The following FSTL4 variants were observed in gnomAD, a reference collection of about 807,000 sequenced individuals.
FSTL4 encodes follistatin like 4.
FSTL4 carries 28 observed loss-of-function variants against 78.2 expected under a neutral mutation model. The observed-to-expected ratio is 0.36, with a 90% CI of 0.27 to 0.49. The LOEUF (loss-of-function observed/expected upper bound fraction) is 0.49, where lower values mean the gene tolerates loss of function less well. Ranked by LOEUF, FSTL4 falls within the 20% of genes least tolerant of loss-of-function variation. The pLI is 0.98. For missense variants in FSTL4, 922 were observed against 1,084.9 expected (o/e 0.85, Z 2.11); for synonymous variants, 422 against 440.5 (o/e 0.96, Z 0.53).
chr5:133,714,312 C>T, the FSTL4 span, among the ~76,000 whole-genome samples: 3 of 152,190 alleles, frequency 2.0e-5, no homozygotes, highest in Non-Finnish European at 4.4e-5. Flanking sequence ...CCTGGGCTCC[C>T]TTTAATCTTC....
intron 3 of FSTL4, among the ~76,000 whole-genome samples, chr5:133,501,077 T>C (rs180930092): frequency 6.6e-6 from 1 of 151,954 alleles, no homozygotes; most frequent in Non-Finnish European, 1.5e-5. Context: ...TCACTCATGG[T>C]GGGAAATGTG....
chr5:133,562,556 T>C (rs1487946887), intron 3 of FSTL4, among the ~76,000 whole-genome samples: 1 of 152,194 alleles, frequency 6.6e-6, no homozygotes, highest in Non-Finnish European at 1.5e-5. Flanking sequence ...ACCCCCTTTT[T>C]TCCTTTTCCC....
intron 3 of FSTL4, among the ~76,000 whole-genome samples, chr5:133,417,228 G>A (rs533745083): frequency 6.6e-6 from 1 of 152,122 alleles, no homozygotes. Context: ...TGAAATAAAG[G>A]ATTAATGGGC....
chr5:133,322,582 C>T (rs1754098313), intron 4 of FSTL4, among the ~76,000 whole-genome samples: 1 of 152,174 alleles, frequency 6.6e-6, no homozygotes, highest in African/African-American at 2.4e-5. Flanking sequence ...GGGTTCAATC[C>T]CATGGGGTCC....
the FSTL4 span, among the ~76,000 whole-genome samples, chr5:133,831,393 T>C: frequency 6.6e-6 from 1 of 152,150 alleles, no homozygotes; most frequent in Non-Finnish European, 1.5e-5. Context: ...CTTACAACTT[T>C]CTATAAATCC....
chr5:133,617,653 C>G, the FSTL4 span, among the ~76,000 whole-genome samples: 367 of 152,314 alleles, frequency 2.4e-3, 1 homozygote, highest in African/African-American at 8.2e-3. Context: ...CTTTCCCCTT[C>G]CCTGCACCTG....
intron 3 of FSTL4, among the ~76,000 whole-genome samples, chr5:133,558,152 C>T (rs375745438): frequency 2.6e-5 from 4 of 152,112 alleles, no homozygotes; most frequent in Non-Finnish European, 4.4e-5. Context: ...GGGACTATGC[C>T]GGGTCATCTC....
chr5:133,759,303 T>C, the FSTL4 span, among the ~76,000 whole-genome samples: 1 of 152,156 alleles, frequency 6.6e-6, no homozygotes, highest in Non-Finnish European at 1.5e-5. Context: ...CAATACTCAA[T>C]GGTGGAGGTG....
intron 4 of FSTL4, among the ~76,000 whole-genome samples, chr5:133,322,434 C>T (rs914472741): frequency 6.6e-6 from 1 of 152,154 alleles, no homozygotes; most frequent in Non-Finnish European, 1.5e-5. Context: ...AAAGCAGTCC[C>T]TGAGATGAGG....
chr5:133,282,657 G>T (rs76783838), intron 6 of FSTL4, among the ~76,000 whole-genome samples: 7,517 of 152,174 alleles, frequency 0.049, 383 homozygotes, highest in East Asian at 0.2. Context: ...GGCTGGGACT[G>T]CTCTGGTGTA....
intron 5 of FSTL4, 108 bp from the exon 6 acceptor site, chr5:133,312,885 C>A: frequency 2.1e-6 from 2 of 954,128 alleles, no homozygotes; most frequent in Non-Finnish European, 3.2e-6. Context: ...CTCAGTGGGC[C>A]TTGAGGGGTA....
At chr5:133,590,730 A>C (rs1051437206) in intron 2 of FSTL4, among the ~76,000 whole-genome samples, 7 of 152,180 alleles carry the variant, frequency 4.6e-5, no homozygotes, top group African/African-American at 1.7e-4. Context: ...AGGCTGCCTT[A>C]GTCCATTTTG....
At position 133,312,686 on chromosome 5, in the gene FSTL4, G is replaced by A. The variant is rs770453270; in HGVS notation, c.695C>T (p.Ser232Phe). The change falls in exon 6 of 16, where the codon TCC becomes TTC. Residue 232 changes from serine (S) to phenylalanine (F), a missense_variant. Transcript: ENST00000265342. ...CATGTAGAACTCGCGGAGGGTCAGG[G>A]AGCTGTCACTGTTGTAATCGTCAAA... is the stretch of plus-strand genomic sequence containing the variant. Reference protein sequence around the residue: ...LRFDDYNSDSSLTLREFYMAF... With the variant: ...LRFDDYNSDSFLTLREFYMAF... 18 of 1,613,896 alleles carry A rather than the reference G, an allele frequency of 1.1e-5. No individual in the cohort carries two copies. The highest frequency in any genetic ancestry group is 1.5e-5 in the Non-Finnish European group (18 of 1,179,928).
At chr5:133,653,656 A>G in the FSTL4 span, among the ~76,000 whole-genome samples, 1 of 152,254 alleles carries the variant, frequency 6.6e-6, no homozygotes, top group East Asian at 1.9e-4. Context: ...GGCACTTTGC[A>G]GTCCACCACT....
rs138550463 is a variant in FSTL4, at chr5:133,308,410, C to G, written c.727+4244G>C. Reference sequence around the variant, plus strand: ...AACTCAGGAATGAAATGGAGTAGAACAAAGCAGTATCCTTGCCATCTAAGC... The same window carrying G: ...AACTCAGGAATGAAATGGAGTAGAAGAAAGCAGTATCCTTGCCATCTAAGC... On this transcript the variant is annotated intron_variant, in intron 6 of 15. Transcript: ENST00000265342. Among the ~76,000 whole-genome samples the G allele has an allele frequency of 3.3e-5, 5 of 152,292 alleles. No individual in the cohort carries two copies. In the East Asian group the frequency reaches 9.6e-4, roughly 29 times the overall value.
the FSTL4 span, among the ~76,000 whole-genome samples, chr5:133,750,430 T>C: frequency 3.3e-5 from 5 of 152,148 alleles, no homozygotes; most frequent in Non-Finnish European, 7.3e-5. Context: ...CAAAGAGATG[T>C]TCTGACTCCC....
chr5:133,786,638 G>T, the FSTL4 span, among the ~76,000 whole-genome samples: 2 of 152,194 alleles, frequency 1.3e-5, no homozygotes, highest in Admixed American at 1.3e-4. Context: ...CAGGGAGGGG[G>T]AATTCCCAAG....
the FSTL4 span, among the ~76,000 whole-genome samples, chr5:133,781,116 T>A: frequency 1.4e-4 from 21 of 152,154 alleles, no homozygotes; most frequent in Non-Finnish European, 3.1e-4. Flanking sequence ...TCTGCATTGG[T>A]CCCTGGTGAT....
chr5:133,434,617 GT>G (rs1757003063), intron 3 of FSTL4, among the ~76,000 whole-genome samples: 1 of 151,952 alleles, frequency 6.6e-6, no homozygotes, highest in South Asian at 2.1e-4. Flanking sequence ...TTTTTTCCTT[GT>G]GATAAATTGC....
Sources: allele counts gnomAD v4.1 joint callset (sites outside exome capture counted in the v4.1 genomes callset), GRCh38; gene constraint gnomAD v4.1.1; transcripts MANE v1.5; gene names NCBI Gene and HGNC (gene_info 2026-07-23, HGNC 2026-07-21).